The following XRCC3 variants were observed in gnomAD, a reference collection of about 807,000 sequenced individuals.
The protein encoded by XRCC3 is DNA repair protein XRCC3.
Under a neutral mutation model 29.2 loss-of-function variants are expected in XRCC3, and 34 were observed. The observed-to-expected ratio is 1.16, with a 90% CI of 0.88 to 1.55. The LOEUF (loss-of-function observed/expected upper bound fraction) is 1.55. Among genes scored for constraint, XRCC3 ranks in the 40% most tolerant of loss-of-function variants. The probability of loss-of-function intolerance (pLI) is 0.00; values close to 1 mark genes in which losing one functional copy is unlikely to be tolerated. For missense variants in XRCC3, 463 were observed against 467.6 expected, an observed-to-expected ratio of 0.99 and a Z score of 0.09; for synonymous variants, 223 against 211.3, an observed-to-expected ratio of 1.06 and a Z score of -0.48.
Position 103,698,676 on chromosome 14 carries a change from TG to T in XRCC3, c.*121del. ...GGATGAGAAAGTGGAGCCGCTGCCCTGGAAGAGCTGTGTCTGAACCAGGCTC... is the reference window on the plus strand; with the variant it reads ...GGATGAGAAAGTGGAGCCGCTGCCCTGAAGAGCTGTGTCTGAACCAGGCTC... On this transcript the variant is annotated 3_prime_UTR_variant, in exon 10 of 10. Transcript: ENST00000555055. The T allele has an allele frequency of 2.2e-6, 2 of 889,196 alleles. No individual in the cohort carries two copies. The highest frequency in any genetic ancestry group is 3.6e-6 in the Non-Finnish European group (2 of 557,236). The allele number at this position is 889,196 out of a possible 1,614,324, so 55.1% of individuals were successfully genotyped here.
intron 6 of XRCC3, 135 bp from the exon 7 acceptor site, chr14:103,703,462 G>T: frequency 9.1e-7 from 1 of 1,093,580 alleles, no homozygotes; most frequent in Non-Finnish European, 1.3e-6. Flanking sequence ...CGCCTGGGGA[G>T]GGAGGAGGCT....
intron 5 of XRCC3, 62 bp downstream of exon 5, chr14:103,708,460 C>T (rs17101784): frequency 3.1e-4 from 494 of 1,609,572 alleles, no homozygotes; most frequent in Non-Finnish European, 3.8e-4. Flanking sequence ...TGCCCTGCAC[C>T]ACTGGGACCA....
chr14:103,708,942 GGCAGGTCCCGGTGCTGAGA>G, intron 4 of XRCC3: 10 of 432,116 alleles, frequency 2.3e-5, no homozygotes, highest in Non-Finnish European at 4.3e-5. Context: ...GACAGGGCTG[GGCAGGTCCCGGTGCTGAGA>G]GCAGGTTCCG....
At chr14:103,710,947 C>T in intron 4 of XRCC3, 86 bp downstream of exon 4, 1 of 1,426,206 alleles carries the variant, frequency 7.0e-7, no homozygotes, top group South Asian at 1.2e-5. Context: ...GGAAGGAAGG[C>T]TTAGCCAGCC....
At chr14:103,707,453 G>C (rs1252845359) in intron 5 of XRCC3, 2 of 597,208 alleles carry the variant, frequency 3.3e-6, no homozygotes, top group Non-Finnish European at 6.0e-6. Context: ...CATGCCCGCA[G>C]GGATCCCCCT....
chr14:103,700,123 T>G, intron 7 of XRCC3: 1 of 204,688 alleles, frequency 4.9e-6, no homozygotes, highest in Non-Finnish European at 1.0e-5. Context: ...CTGGCCTGCC[T>G]CTGCCAAGGC....
chr14:103,710,907 G>A (rs1301398953), intron 4 of XRCC3, 126 bp downstream of exon 4: 11 of 857,338 alleles, frequency 1.3e-5, no homozygotes, highest in East Asian at 1.1e-4. Context: ...AGTACATCCC[G>A]CCCTCGGTTT....
intron 7 of XRCC3, chr14:103,701,255 G>A: frequency 6.5e-7 from 1 of 1,541,348 alleles, no homozygotes; most frequent in Admixed American, 2.0e-5. Flanking sequence ...GCCCGGAGCT[G>A]GCCCGGGACA....
intron 5 of XRCC3, 127 bp from the exon 6 acceptor site, chr14:103,707,342 A>T: frequency 3.7e-5 from 41 of 1,120,668 alleles, no homozygotes; most frequent in Non-Finnish European, 4.8e-5. Context: ...GCCTGCGGTC[A>T]TGGGGGTGAG....
At chr14:103,700,789 A>G (rs1275254945) in intron 7 of XRCC3, 3 of 1,340,388 alleles carry the variant, frequency 2.2e-6, no homozygotes, top group South Asian at 1.3e-5. Context: ...GACTTTGCAC[A>G]TGCAGGGACT....
At chr14:103,710,923 T>G in intron 4 of XRCC3, 110 bp downstream of exon 4, 1 of 1,064,954 alleles carries the variant, frequency 9.4e-7, no homozygotes, top group East Asian at 2.5e-5. Flanking sequence ...GGTTTAATAA[T>G]CAGGGTAGGC....
Position 103,703,166 on chromosome 14 carries a change from C to T in XRCC3, c.561+7G>A, listed in dbSNP as rs1290052280. The T allele has an allele frequency of 6.4e-7, 1 of 1,565,956 alleles. No individual in the cohort carries two copies. Among genetic ancestry groups the T allele is most frequent in the South Asian group, 1.2e-5 (1 of 85,896 alleles). The stretch of plus-strand genomic sequence containing the variant: ...TGGGGGTGTCATGGGGCTTCTCCCA[C>T]ACTCACCACATCGGCCACGTGCTCG... On this transcript the variant is annotated splice_region_variant and intron_variant, in intron 7 of 9. Transcript: ENST00000555055.
At position 103,698,941 on chromosome 14, in the gene XRCC3, G is replaced by T. The variant is rs754089796; in HGVS notation, c.898C>A (p.Arg300=). ...AGGGCAGCCTCTTCCTCGCGGAGCC[G>T]GTCAGCCAGCAGTCTCACCAGGAGC... ...NQLLVRLLAD[R]LREEEAALGC... is the part of the protein sequence containing the mutation. The change falls in exon 10 of 10, where the codon CGG becomes AGG. Residue 300 remains arginine (R), a synonymous_variant. Coordinates refer to ENST00000555055, the MANE Select transcript of XRCC3 (RefSeq NM_005432.4). 1.7e-5 allele frequency: 27 copies of T among 1,600,260 alleles called. No individual in the cohort carries two copies. Among genetic ancestry groups the T allele is most frequent in the Non-Finnish European group, 2.2e-5 (26 of 1,173,698 alleles).
At chr14:103,711,401 T>C (rs1226910563) in intron 3 of XRCC3, 65 bp downstream of exon 3, 1 of 581,748 alleles carries the variant, frequency 1.7e-6, no homozygotes, top group Non-Finnish European at 3.2e-6. Context: ...CACATTTACC[T>C]CCTGTGGAAA....
Position 103,702,993 on chromosome 14 carries a change from T to G in XRCC3, c.561+180A>C, listed in dbSNP as rs569021494. ...CCCTGCCAGTTCCTCTCAGTCACTC[T>G]CCATCCTCTGACCCCACCTGCTCCT... is the stretch of plus-strand genomic sequence containing the variant. On this transcript the variant is annotated intron_variant, in intron 7 of 9. Coordinates refer to ENST00000555055, the MANE Select transcript of XRCC3 (RefSeq NM_005432.4). 5.4e-6 allele frequency: 5 copies of G among 921,240 alleles called. No homozygotes were observed. In the African/African-American group the frequency reaches 8.2e-5, roughly 15 times the overall value. The allele number at this position is 921,240 out of a possible 1,614,324, so 57.1% of individuals were successfully genotyped here.
chr14:103,708,340 T>G, intron 5 of XRCC3, 182 bp downstream of exon 5: 1 of 892,682 alleles, frequency 1.1e-6, no homozygotes. Flanking sequence ...TCTGACCCGA[T>G]GCTGTGACCA....
intron 6 of XRCC3, chr14:103,706,257 G>A (rs2083432143): frequency 1.1e-5 from 5 of 453,432 alleles, no homozygotes; most frequent in Non-Finnish European, 1.8e-5. Context: ...TGGCAGGTCA[G>A]GCCCGTGAGG....
At chr14:103,701,109 G>A in intron 7 of XRCC3, 2 of 1,467,556 alleles carry the variant, frequency 1.4e-6, no homozygotes, top group Non-Finnish European at 1.9e-6. Flanking sequence ...GACTTGGGGT[G>A]GGGGTTCCCC....
intron 3 of XRCC3, 46 bp from the exon 4 acceptor site, chr14:103,711,291 A>C: frequency 1.5e-6 from 1 of 683,960 alleles, no homozygotes; most frequent in South Asian, 1.6e-5. Flanking sequence ...CTGTCTAGCT[A>C]CATCTAGGGC....
Sources: allele counts gnomAD v4.1 joint callset, GRCh38; gene constraint gnomAD v4.1.1; transcripts MANE v1.5; gene names NCBI Gene and HGNC (gene_info 2026-07-23, HGNC 2026-07-21).